CUL5: variants seen among roughly 807,000 people sequenced by gnomAD.
CUL5 encodes cullin 5, also known as cullin-5.
In CUL5, 26 loss-of-function variants were observed where a neutral mutation model predicts 108.8. The ratio of observed to expected loss-of-function variants is 0.24; its 90% confidence interval spans 0.18 to 0.33. The LOEUF (loss-of-function observed/expected upper bound fraction) is 0.33. CUL5 is among the 10% of genes least tolerant of loss of function. CUL5 has a pLI of 1.00. For missense variants in CUL5, 524 were observed against 909.2 expected, an observed-to-expected ratio of 0.58 and a Z score of 5.45; for synonymous variants, 334 against 298.0, an observed-to-expected ratio of 1.12 and a Z score of -1.25.
At chr11:108,040,465 G>A (rs974003285) in intron 2 of CUL5, among the ~76,000 whole-genome samples, 5 of 151,952 alleles carry the variant, frequency 3.3e-5, no homozygotes, top group African/African-American at 4.8e-5. Context: ...TACAAAAATC[G>A]GCTGGGTGTG....
intron 2 of CUL5, among the ~76,000 whole-genome samples, chr11:108,043,547 C>G (rs563373841): frequency 2.0e-5 from 3 of 152,248 alleles, no homozygotes; most frequent in South Asian, 4.1e-4. Flanking sequence ...ACTTTAGCTT[C>G]TTGTTTAATA....
intron 1 of CUL5, among the ~76,000 whole-genome samples, chr11:108,017,551 G>A (rs148604499): frequency 6.6e-4 from 101 of 152,138 alleles, no homozygotes; most frequent in African/African-American, 2.4e-3. Flanking sequence ...CGAAAACAAC[G>A]TGATAAGAAT....
At chr11:108,069,639 A>G (rs979632877) in intron 7 of CUL5, among the ~76,000 whole-genome samples, 1 of 152,178 alleles carries the variant, frequency 6.6e-6, no homozygotes, top group Admixed American at 6.6e-5. Context: ...CTCACTCTCA[A>G]TTAGACAGTG....
intron 7 of CUL5, among the ~76,000 whole-genome samples, chr11:108,065,828 G>C (rs977402119): frequency 6.6e-6 from 1 of 152,038 alleles, no homozygotes; most frequent in African/African-American, 2.4e-5. Context: ...TGTTAAATTT[G>C]GTGTTCCTGC....
intron 1 of CUL5, among the ~76,000 whole-genome samples, chr11:108,027,976 T>G (rs1447887264): frequency 6.6e-6 from 1 of 152,180 alleles, no homozygotes; most frequent in Non-Finnish European, 1.5e-5. Flanking sequence ...TAGTTCTTAC[T>G]CCTCTCTCCG....
At chr11:108,093,844 A>T (rs1292863179) in intron 13 of CUL5, among the ~76,000 whole-genome samples, 2 of 152,184 alleles carry the variant, frequency 1.3e-5, no homozygotes, top group Non-Finnish European at 2.9e-5. Context: ...CTATCTCGGC[A>T]GTATGCCGCC....
intron 1 of CUL5, among the ~76,000 whole-genome samples, chr11:108,025,636 T>G (rs551004417): frequency 6.6e-6 from 1 of 152,330 alleles, no homozygotes. Flanking sequence ...TGGCCCTGTG[T>G]GCACTCTGCT....
chr11:108,105,551 A>C lies in CUL5; in HGVS notation c.*1167A>C, dbSNP rs1256032497. 2.0e-5 allele frequency: 3 copies of C among 152,246 alleles called. No individual in the cohort carries two copies. The highest frequency in any genetic ancestry group is 4.8e-5 in the African/African-American group (2 of 41,430). The allele number at this position is 152,246 out of a possible 1,614,324, so 9.4% of individuals were successfully genotyped here. On this transcript the variant is annotated 3_prime_UTR_variant, in exon 19 of 19. Transcript: ENST00000393094. ...ATATATTTATATATTTTAAAAATAA[A>C]CATTTTTTAAATCGTCAGAAGGCAA...
intron 7 of CUL5, among the ~76,000 whole-genome samples, chr11:108,060,204 T>A (rs1863499580): frequency 6.6e-6 from 1 of 151,824 alleles, no homozygotes; most frequent in Admixed American, 6.6e-5. Flanking sequence ...AAAAAAAAAA[T>A]TAAGCTTGGT....
intron 2 of CUL5, among the ~76,000 whole-genome samples, chr11:108,042,039 C>T (rs1043447609): frequency 1.3e-5 from 2 of 151,998 alleles, no homozygotes; most frequent in African/African-American, 4.8e-5. Context: ...GGGAAACGTC[C>T]ACATTAGAGA....
At chr11:108,026,671 A>G (rs761771885) in intron 1 of CUL5, among the ~76,000 whole-genome samples, 1 of 152,086 alleles carries the variant, frequency 6.6e-6, no homozygotes, top group Admixed American at 6.6e-5. Flanking sequence ...TCCTGTCAGC[A>G]TACAATCATA....
intron 1 of CUL5, among the ~76,000 whole-genome samples, chr11:108,019,613 C>G (rs73555372): frequency 6.6e-6 from 1 of 152,008 alleles, no homozygotes; most frequent in Non-Finnish European, 1.5e-5. Flanking sequence ...ACACATCACT[C>G]GTGTCTGTGG....
intron 7 of CUL5, 47 bp downstream of exon 7, chr11:108,055,002 G>A (rs7125285): frequency 0.13 from 154,761 of 1,228,296 alleles, 10,108 homozygotes; most frequent in African/African-American, 0.19. Flanking sequence ...TTTGAAATAC[G>A]GAAGCATAGG....
chr11:108,023,460 A>G (rs1272656021), intron 1 of CUL5, among the ~76,000 whole-genome samples: 1 of 152,238 alleles, frequency 6.6e-6, no homozygotes, highest in Non-Finnish European at 1.5e-5. Flanking sequence ...TTTAAAAACG[A>G]AAACAAAATT....
chr11:108,089,348 C>T, intron 12 of CUL5, 144 bp from the exon 13 acceptor site: 1 of 486,562 alleles, frequency 2.1e-6, no homozygotes, highest in Non-Finnish European at 3.5e-6. Context: ...GGGTATTTCT[C>T]AGAGATGGAT....
intron 1 of CUL5, among the ~76,000 whole-genome samples, chr11:108,027,985 C>T (rs1862492324): frequency 6.6e-6 from 1 of 152,138 alleles, no homozygotes; most frequent in African/African-American, 2.4e-5. Context: ...CTCCTCTCTC[C>T]GCCTCTTAAT....
chr11:108,046,898 T>A (rs1425051515), intron 3 of CUL5, among the ~76,000 whole-genome samples: 1 of 152,196 alleles, frequency 6.6e-6, no homozygotes, highest in Admixed American at 6.5e-5. Context: ...GAGTTAGTTT[T>A]GTTTTGTTTT....
intron 8 of CUL5, among the ~76,000 whole-genome samples, chr11:108,071,667 C>CTCCCAAGTA (rs1191071437): frequency 1.3e-5 from 2 of 152,140 alleles, no homozygotes; most frequent in African/African-American, 4.8e-5. Context: ...ACACTTCAGC[C>CTCCCAAGTA]TCCCAAGTAT....
At chr11:108,053,401 A>G (rs922273796) in intron 5 of CUL5, among the ~76,000 whole-genome samples, 1 of 152,180 alleles carries the variant, frequency 6.6e-6, no homozygotes, top group Non-Finnish European at 1.5e-5. Context: ...GTATTTATTG[A>G]GTTAATGAAC....
Sources: gnomAD v4.1 joint callset for allele counts (sites outside exome capture counted in the v4.1 genomes callset) on GRCh38, gnomAD v4.1.1 for gene constraint, MANE v1.5 for transcripts, NCBI Gene and HGNC (gene_info 2026-07-23, HGNC 2026-07-21) for gene names.